Variants in CUL2 observed in about 807,000 individuals in gnomAD.
The protein encoded by CUL2 is cullin 2, also known as cullin-2.
In CUL2, 22 loss-of-function variants were observed where a neutral mutation model predicts 110.2. The ratio of observed to expected loss-of-function variants is 0.20; its 90% CI spans 0.14 to 0.28. CUL2 has a LOEUF of 0.28. Ranked by LOEUF, CUL2 falls within the 10% of genes least tolerant of loss-of-function variation. CUL2 has a pLI of 1.00. For missense variants in CUL2, 631 were observed against 905.5 expected, an observed-to-expected ratio of 0.70 and a Z score of 3.89; for synonymous variants, 279 against 293.2, an observed-to-expected ratio of 0.95 and a Z score of 0.49.
chr10:35,071,029 G>A (rs1007196964), intron 2 of CUL2, among the ~76,000 whole-genome samples, 170 bp downstream of exon 2: 2 of 152,062 alleles, frequency 1.3e-5, no homozygotes, highest in Non-Finnish European at 2.9e-5. Context: ...TGAATGAAAG[G>A]TTATCAAATA....
intron 4 of CUL2, among the ~76,000 whole-genome samples, chr10:35,057,483 T>C (rs1430694444): frequency 6.6e-6 from 1 of 151,478 alleles, no homozygotes; most frequent in Non-Finnish European, 1.5e-5. Flanking sequence ...AAACCCCGTC[T>C]CTACTAAAAA....
intron 1 of CUL2, among the ~76,000 whole-genome samples, chr10:35,104,215 G>A (rs2087425000): frequency 6.6e-6 from 1 of 152,238 alleles, no homozygotes; most frequent in African/African-American, 2.4e-5. Flanking sequence ...CGGATGCCGA[G>A]GAAGGTGGAT....
intron 1 of CUL2, among the ~76,000 whole-genome samples, chr10:35,088,654 G>T (rs967600122): frequency 6.6e-6 from 1 of 151,982 alleles, no homozygotes; most frequent in Non-Finnish European, 1.5e-5. Context: ...GGTCCATAAC[G>T]TTTAATCTAG....
intron 2 of CUL2, among the ~76,000 whole-genome samples, chr10:35,096,918 T>C (rs1385274745): frequency 6.6e-6 from 1 of 151,798 alleles, no homozygotes; most frequent in African/African-American, 2.4e-5. Flanking sequence ...CAAGTGATTC[T>C]CCTGCCTCAG....
At chr10:35,092,059 T>G (rs369929438), upstream of CUL2, among the ~76,000 whole-genome samples, 4 of 151,644 alleles carry the variant, frequency 2.6e-5, no homozygotes, top group East Asian at 5.8e-4. Context: ...CTCAAGCGAG[T>G]GTACCATCTC....
At chr10:35,068,198 G>C (rs1012192816) in intron 2 of CUL2, among the ~76,000 whole-genome samples, 1 of 151,678 alleles carries the variant, frequency 6.6e-6, no homozygotes, top group Non-Finnish European at 1.5e-5. Flanking sequence ...AAGGCACATG[G>C]AACACATGAG....
At chr10:35,117,674 G>C (rs905831795) in intron 1 of CUL2, among the ~76,000 whole-genome samples, 1 of 152,134 alleles carries the variant, frequency 6.6e-6, no homozygotes, top group African/African-American at 2.4e-5. Context: ...CTGTTTTAAA[G>C]TCCTTCTGCT....
At chr10:35,012,117 G>C (rs1208400256) in intron 19 of CUL2, among the ~76,000 whole-genome samples, 153 bp from the exon 20 acceptor site, 1 of 147,074 alleles carries the variant, frequency 6.8e-6, no homozygotes, top group Admixed American at 6.9e-5. Flanking sequence ...TCAGTGACTC[G>C]CTCTCAGCTC....
chr10:35,075,659 C>CAG lies in CUL2; in HGVS notation c.-22-4321_-22-4320insCT, dbSNP rs1471726421. ...AAACACACACACACACACACACACA[C>CAG]ACACACACACACACACACACACACG... On this transcript the variant is annotated intron_variant, in intron 1 of 20. Transcript: ENST00000374749. Among the ~76,000 whole-genome samples, 7 of 151,790 alleles carry CAG rather than the reference C, an allele frequency of 4.6e-5. No homozygotes were observed. The East Asian group carries it at 1.4e-3, about 29-fold the overall frequency.
chr10:35,091,673 A>T (rs923380345), upstream of CUL2, among the ~76,000 whole-genome samples: 2 of 151,934 alleles, frequency 1.3e-5, no homozygotes, highest in Non-Finnish European at 2.9e-5. Context: ...GCTGGAATGC[A>T]GTGGCGGCAC....
intron 8 of CUL2, among the ~76,000 whole-genome samples, chr10:35,044,156 T>C (rs2085875627): frequency 6.6e-6 from 1 of 151,530 alleles, no homozygotes; most frequent in Non-Finnish European, 1.5e-5. Flanking sequence ...CTAGAATTAC[T>C]ATATTTTCCT....
intron 1 of CUL2, among the ~76,000 whole-genome samples, chr10:35,115,572 T>G (rs913321210): frequency 2.3e-4 from 35 of 150,064 alleles, no homozygotes; most frequent in African/African-American, 7.9e-4. Context: ...AAGAAAATAT[T>G]AACAAGGGAG....
intron 5 of CUL2, among the ~76,000 whole-genome samples, chr10:35,051,605 C>T (rs1272200362): frequency 1.3e-5 from 2 of 152,156 alleles, no homozygotes; most frequent in East Asian, 1.9e-4. Context: ...AGCAAGACTC[C>T]GTCTCAAAAC....
Position 35,021,826 on chromosome 10 carries a change from T to TGAGGC in CUL2, c.1684+3301_1684+3305dup, listed in dbSNP as rs1167291479. Among the ~76,000 whole-genome samples, 42 of 91,006 alleles carry TGAGGC rather than the reference T, an allele frequency of 4.6e-4. 1 individual carries two copies. The highest frequency in any genetic ancestry group is 1.6e-3 in the African/African-American group (36 of 23,174). 59.7% of individuals were successfully genotyped at this position (91,006 alleles called of 152,430 possible). On this transcript the variant is annotated intron_variant, in intron 17 of 20. Transcript: ENST00000374749. ...TGAGGAGAGGCGAGGTGGGGTGAGGTGAGGCGAGGTGAGGTGAGGTGAGGT... is the reference window on the plus strand; with the variant it reads ...TGAGGAGAGGCGAGGTGGGGTGAGGTGAGGCGAGGCGAGGTGAGGTGAGGTGAGGT...
At chr10:35,010,531 T>C in intron 20 of CUL2, 89 bp from the exon 21 acceptor site, 1 of 1,298,082 alleles carries the variant, frequency 7.7e-7, no homozygotes, top group Non-Finnish European at 1.0e-6. Context: ...GTGCCTCAAA[T>C]GTACTGAGGT....
At chr10:35,090,748 T>A (rs1221655847), upstream of CUL2, 1 of 152,316 alleles carries the variant, frequency 6.6e-6, no homozygotes, top group African/African-American at 2.4e-5. Context: ...TTGCTGTCAA[T>A]GAGGCAATTG....
At chr10:35,021,841 T>TGAGGC (rs2085202547) in intron 17 of CUL2, among the ~76,000 whole-genome samples, 2 of 73,198 alleles carry the variant, frequency 2.7e-5, no homozygotes, top group Non-Finnish European at 5.2e-5. Context: ...CGAGGTGAGG[T>TGAGGC]GAGGTGAGGT....
rs1022309373 is a variant in CUL2, at chr10:35,031,013, G to T, written c.1386+287C>A. Among the ~76,000 whole-genome samples the T allele has an allele frequency of 1.3e-5, 2 of 152,118 alleles. No individual in the cohort carries two copies. Among genetic ancestry groups the T allele is most frequent in the Non-Finnish European group, 2.9e-5 (2 of 68,026 alleles). ...AAATGATGTAAAAATAAATTGAAATGGAATTGCACTCCAAAATCTGTACTT... is the reference window on the plus strand; with the variant it reads ...AAATGATGTAAAAATAAATTGAAATTGAATTGCACTCCAAAATCTGTACTT... On this transcript the variant is annotated intron_variant, in intron 14 of 20. Coordinates refer to ENST00000374749, the MANE Select transcript of CUL2 (RefSeq NM_003591.4). The surrounding 1 kb of genome is among the most constrained non-coding windows in gnomAD (Gnocchi z 4.4).
intron 8 of CUL2, among the ~76,000 whole-genome samples, chr10:35,040,927 G>GT (rs1286265873): frequency 1.3e-5 from 2 of 152,168 alleles, no homozygotes; most frequent in African/African-American, 2.4e-5. Context: ...CAGGCAGTAG[G>GT]TAATGCTCAC....
Sources: gnomAD v4.1 joint callset for allele counts (sites outside exome capture counted in the v4.1 genomes callset) on GRCh38, gnomAD v4.1.1 for gene constraint, Gnocchi (gnomAD v3.1) non-coding constraint, MANE v1.5 for transcripts, NCBI Gene and HGNC (gene_info 2026-07-23, HGNC 2026-07-21) for gene names.